PTPN20: variants seen among roughly 807,000 people sequenced by gnomAD.
PTPN20 encodes protein tyrosine phosphatase non-receptor type 20.
A neutral mutation model predicts 35.0 loss-of-function variants in PTPN20; 9 were observed. That is an observed-to-expected ratio of 0.26 (90% CI 0.15 to 0.45). The LOEUF (loss-of-function observed/expected upper bound fraction) is 0.45, where lower values mean the gene tolerates loss of function less well. Among genes scored for constraint, PTPN20 ranks in the 20% least tolerant of loss-of-function variants. The probability of loss-of-function intolerance (pLI) is 1.00; values close to 1 mark genes in which losing one functional copy is unlikely to be tolerated. For missense variants in PTPN20, 111 were observed against 312.5 expected, an observed-to-expected ratio of 0.36 and a Z score of 4.86; for synonymous variants, 32 against 100.2, an observed-to-expected ratio of 0.32 and a Z score of 4.06.
chr10:46,995,859 C>T (rs1359668892), intron 9 of PTPN20, among the ~76,000 whole-genome samples: 1 of 152,026 alleles, frequency 6.6e-6, no homozygotes, highest in African/African-American at 2.4e-5. Flanking sequence ...TGTGGAAACC[C>T]AATTCTCTTA....
At chr10:46,918,876 T>C (rs1421725952) in intron 1 of PTPN20, among the ~76,000 whole-genome samples, 1 of 126,898 alleles carries the variant, frequency 7.9e-6, no homozygotes, top group Non-Finnish European at 1.6e-5. Flanking sequence ...AATTGCTTCA[T>C]AATGTTGTTC....
chr10:46,999,689 A>C (rs986097116), intron 9 of PTPN20, among the ~76,000 whole-genome samples: 1 of 152,186 alleles, frequency 6.6e-6, no homozygotes, highest in African/African-American at 2.4e-5. Context: ...TATTTTGGAG[A>C]GCATTTCTTA....
chr10:46,993,202 C>T (rs937398802), intron 9 of PTPN20, among the ~76,000 whole-genome samples: 4 of 152,198 alleles, frequency 2.6e-5, no homozygotes, highest in East Asian at 1.9e-4. Flanking sequence ...GAAGGGGTAG[C>T]GATGATCCCC....
chr10:46,995,564 A>G (rs1403816600), intron 9 of PTPN20, among the ~76,000 whole-genome samples: 10 of 151,848 alleles, frequency 6.6e-5, no homozygotes, highest in Non-Finnish European at 1.0e-4. Context: ...CTACTAAACA[A>G]CCACTCTGGT....
intron 7 of PTPN20, among the ~76,000 whole-genome samples, chr10:46,968,835 C>T (rs2051525165): frequency 1.1e-5 from 1 of 90,468 alleles, no homozygotes; most frequent in Admixed American, 9.7e-5. Flanking sequence ...GAGTCCTCCC[C>T]CATCTCTCAG....
chr10:46,983,281 T>C (rs1275314547), intron 7 of PTPN20, among the ~76,000 whole-genome samples: 17 of 151,906 alleles, frequency 1.1e-4, no homozygotes, highest in African/African-American at 3.9e-4. Context: ...GGAAAGTTTC[T>C]GTGTGCTATG....
At chr10:46,927,541 C>T (rs1420883445) in intron 1 of PTPN20, among the ~76,000 whole-genome samples, 1 of 151,494 alleles carries the variant, frequency 6.6e-6, no homozygotes, top group East Asian at 1.9e-4. Flanking sequence ...CTGCAAATGC[C>T]CAAAGCCTTT....
At chr10:46,996,406 G>A (rs1029083119) in intron 9 of PTPN20, among the ~76,000 whole-genome samples, 9 of 152,226 alleles carry the variant, frequency 5.9e-5, no homozygotes, top group South Asian at 2.1e-4. Context: ...TTAAAAATTA[G>A]TAATTCAAAT....
intron 9 of PTPN20, among the ~76,000 whole-genome samples, chr10:46,999,037 G>A (rs2059640691): frequency 6.6e-6 from 1 of 152,110 alleles, no homozygotes; most frequent in Admixed American, 6.5e-5. Context: ...AGATTGCAGT[G>A]AAATATGATG....
At chr10:46,932,608 C>T (rs1169800983) in intron 2 of PTPN20, 75 bp downstream of exon 2, 1 of 1,565,682 alleles carries the variant, frequency 6.4e-7, no homozygotes, top group Non-Finnish European at 8.8e-7. Flanking sequence ...TGTAGATTTG[C>T]ATAGGGACCA....
intron 5 of PTPN20, among the ~76,000 whole-genome samples, chr10:46,950,574 G>T (rs1433464269): frequency 1.3e-5 from 2 of 151,996 alleles, no homozygotes; most frequent in Admixed American, 1.3e-4. Flanking sequence ...TGTTCTTAAA[G>T]ATATTTTACT....
intron 7 of PTPN20, among the ~76,000 whole-genome samples, chr10:46,979,987 A>G (rs2054846643): frequency 1.3e-5 from 2 of 151,110 alleles, no homozygotes; most frequent in Non-Finnish European, 3.0e-5. Context: ...CATTGATGAC[A>G]TTGTGCTGAT....
intron 9 of PTPN20, among the ~76,000 whole-genome samples, chr10:46,993,827 C>T (rs1159934896): frequency 3.9e-5 from 6 of 152,116 alleles, no homozygotes; most frequent in African/African-American, 1.4e-4. Flanking sequence ...GATTGCACAC[C>T]ATCATTACAA....
chr10:47,000,566 CT>C, intron 10 of PTPN20, 109 bp from the exon 11 acceptor site: 3 of 1,307,600 alleles, frequency 2.3e-6, no homozygotes, highest in Non-Finnish European at 3.2e-6. Context: ...AATGTTTGCT[CT>C]TTTTAGGAAC....
chr10:46,918,771 T>C (rs1254969337), intron 1 of PTPN20, among the ~76,000 whole-genome samples: 1 of 133,718 alleles, frequency 7.5e-6, no homozygotes, highest in Non-Finnish European at 1.6e-5. Context: ...TGGTTTGTTT[T>C]TAGGCCCAGA....
chr10:46,983,065 CTTTTTTTT>C (rs74898545), intron 7 of PTPN20, among the ~76,000 whole-genome samples: 1 of 101,942 alleles, frequency 9.8e-6, no homozygotes, highest in Non-Finnish European at 2.0e-5. Context: ...ATATATCTAG[CTTTTTTTT>C]TTTTTTTTTT....
At chr10:46,953,537 C>T (rs1455587799) in intron 5 of PTPN20, among the ~76,000 whole-genome samples, 8 of 140,084 alleles carry the variant, frequency 5.7e-5, no homozygotes, top group Non-Finnish European at 1.0e-4. Flanking sequence ...GTATAATGTT[C>T]GCTGTAGTAT....
At chr10:46,920,407 T>A (rs2034677325) in intron 1 of PTPN20, among the ~76,000 whole-genome samples, 1 of 141,102 alleles carries the variant, frequency 7.1e-6, no homozygotes, top group African/African-American at 2.8e-5. Flanking sequence ...AGAAATGTGT[T>A]CTTGGGCAGA....
chr10:46,981,481 G>A (rs75507176), intron 7 of PTPN20: 7,246 of 146,736 alleles, frequency 0.049, 281 homozygotes, highest in East Asian at 0.23. Context: ...TATTCCATGG[G>A]ATGATCAGCC....
Sources: allele counts gnomAD v4.1 joint callset (sites outside exome capture counted in the v4.1 genomes callset), GRCh38; gene constraint gnomAD v4.1.1; transcripts MANE v1.5; gene names NCBI Gene and HGNC (gene_info 2026-07-23, HGNC 2026-07-21).